CABCOCO1: variants seen among roughly 807,000 people sequenced by gnomAD.
The protein encoded by CABCOCO1 is ciliary associated calcium binding coiled-coil 1, also known as ciliary-associated calcium-binding coiled-coil protein 1.
Under a neutral mutation model 35.7 loss-of-function variants are expected in CABCOCO1, and 28 were observed. The observed-to-expected ratio is 0.78, with a 90% CI of 0.58 to 1.07. CABCOCO1 has a LOEUF of 1.07. Ranked by LOEUF, CABCOCO1 falls within the 50% of genes least tolerant of loss-of-function variation. CABCOCO1 has a pLI of 0.00. For synonymous variants in CABCOCO1, 95 were observed against 100.1 expected, an observed-to-expected ratio of 0.95 and a Z score of 0.30; for missense variants, 326 against 309.2, an observed-to-expected ratio of 1.05 and a Z score of -0.41.
intron 1 of CABCOCO1, among the ~76,000 whole-genome samples, chr10:61,666,989 A>ATATATTATATATAAATATAATTG (rs1390738920): frequency 2.1e-5 from 3 of 141,798 alleles, no homozygotes; most frequent in African/African-American, 7.7e-5. Flanking sequence ...AAATATAATT[A>ATATATTATATATAAATATAATTG]TATATTATAT....
intron 7 of CABCOCO1, among the ~76,000 whole-genome samples, chr10:61,761,639 C>T (rs923317054): frequency 1.3e-5 from 2 of 151,992 alleles, no homozygotes; most frequent in South Asian, 4.1e-4. Flanking sequence ...ATTTTTCAGG[C>T]CAAATGATTA....
At chr10:61,687,046 G>A (rs553570187) in intron 4 of CABCOCO1, among the ~76,000 whole-genome samples, 1 of 152,274 alleles carries the variant, frequency 6.6e-6, no homozygotes, top group East Asian at 1.9e-4. Context: ...TGATATCTTA[G>A]ACATGCTCAT....
intron 5 of CABCOCO1, among the ~76,000 whole-genome samples, chr10:61,725,970 G>A (rs1212207550): frequency 1.3e-5 from 2 of 152,108 alleles, no homozygotes; most frequent in African/African-American, 4.8e-5. Flanking sequence ...AAGATAATAT[G>A]ACACTGTTCC....
intron 5 of CABCOCO1, among the ~76,000 whole-genome samples, chr10:61,692,026 G>A (rs1459526418): frequency 1.3e-5 from 2 of 152,048 alleles, no homozygotes; most frequent in African/African-American, 2.4e-5. Context: ...GGATTGCTGG[G>A]TCAAATAGTA....
intron 5 of CABCOCO1, among the ~76,000 whole-genome samples, chr10:61,735,403 A>C (rs1399188567): frequency 6.6e-6 from 1 of 152,096 alleles, no homozygotes. Context: ...ATAACCCTTA[A>C]ATCTTTAGTC....
At chr10:61,758,769 G>A (rs893996486) in intron 5 of CABCOCO1, among the ~76,000 whole-genome samples, 2 of 152,058 alleles carry the variant, frequency 1.3e-5, no homozygotes, top group South Asian at 4.2e-4. Context: ...GTTAGGACAC[G>A]TTGGGGCTTC....
At chr10:61,688,858 G>A (rs1398124744) in intron 4 of CABCOCO1, among the ~76,000 whole-genome samples, 1 of 152,166 alleles carries the variant, frequency 6.6e-6, no homozygotes, top group East Asian at 1.9e-4. Context: ...CATTATCGCA[G>A]CTGAAGTGTC....
chr10:61,692,122 C>T (rs978107505), intron 5 of CABCOCO1, among the ~76,000 whole-genome samples: 8 of 152,058 alleles, frequency 5.3e-5, no homozygotes, highest in Non-Finnish European at 7.4e-5. Context: ...ACTGTAAAAG[C>T]GTTCCTGTTT....
chr10:61,730,040 A>T (rs1231055363), intron 5 of CABCOCO1, among the ~76,000 whole-genome samples: 2 of 152,120 alleles, frequency 1.3e-5, no homozygotes, highest in African/African-American at 2.4e-5. Flanking sequence ...TGTATTGTAG[A>T]CTTAAAAATT....
At chr10:61,717,995 G>C (rs993776334) in intron 5 of CABCOCO1, among the ~76,000 whole-genome samples, 1 of 152,132 alleles carries the variant, frequency 6.6e-6, no homozygotes, top group African/African-American at 2.4e-5. Flanking sequence ...TAATGGGTAA[G>C]GTAGATTATG....
At chr10:61,695,992 AG>A (rs1355498979) in intron 5 of CABCOCO1, among the ~76,000 whole-genome samples, 1 of 152,110 alleles carries the variant, frequency 6.6e-6, no homozygotes, top group East Asian at 1.9e-4. Flanking sequence ...AGAAATAGAA[AG>A]GAATGAAGAG....
At chr10:61,761,605 C>G (rs886210900) in intron 7 of CABCOCO1, among the ~76,000 whole-genome samples, 1 of 152,098 alleles carries the variant, frequency 6.6e-6, no homozygotes, top group Non-Finnish European at 1.5e-5. Context: ...TACCTCAACT[C>G]AAAGACTTAC....
At chr10:61,756,917 A>C (rs1841909035) in intron 5 of CABCOCO1, among the ~76,000 whole-genome samples, 1 of 152,052 alleles carries the variant, frequency 6.6e-6, no homozygotes, top group African/African-American at 2.4e-5. Context: ...AGACAATTAC[A>C]ATTCTACAGG....
At chr10:61,740,546 G>A (rs1303375413) in intron 5 of CABCOCO1, among the ~76,000 whole-genome samples, 1 of 152,144 alleles carries the variant, frequency 6.6e-6, no homozygotes, top group Admixed American at 6.5e-5. Flanking sequence ...AAACCAAAGT[G>A]CAAATGAAAT....
At chr10:61,712,464 C>T (rs1013737923) in intron 5 of CABCOCO1, among the ~76,000 whole-genome samples, 1 of 152,186 alleles carries the variant, frequency 6.6e-6, no homozygotes, top group African/African-American at 2.4e-5. Flanking sequence ...TGCCTGTTCA[C>T]TCTGACAGTA....
At chr10:61,760,804 A>C in intron 6 of CABCOCO1, 59 bp from the exon 7 acceptor site, 1 of 1,532,656 alleles carries the variant, frequency 6.5e-7, no homozygotes, top group Non-Finnish European at 8.8e-7. Flanking sequence ...TTTAGGTTCC[A>C]TATAAATCAC....
At chr10:61,687,561 C>G (rs1840004487) in intron 4 of CABCOCO1, among the ~76,000 whole-genome samples, 1 of 152,142 alleles carries the variant, frequency 6.6e-6, no homozygotes, top group Non-Finnish European at 1.5e-5. Context: ...CATGCAGGTG[C>G]CATAATGACC....
Position 61,721,351 on chromosome 10 carries a change from G to A in CABCOCO1, c.552+30730G>A, listed in dbSNP as rs143372814. Among the ~76,000 whole-genome samples, 1,221 of 152,234 alleles carry A rather than the reference G, an allele frequency of 8.0e-3. 13 individuals carry two copies. Among genetic ancestry groups the A allele is most frequent in the Middle Eastern group, 0.027 (8 of 294 alleles). ...AGATGGGAAGAAGCTTCTGAAGCCCGTTTGTGCTTCTCCATCACGTAATCC... is the reference window on the plus strand; with the variant it reads ...AGATGGGAAGAAGCTTCTGAAGCCCATTTGTGCTTCTCCATCACGTAATCC... On this transcript the variant is annotated intron_variant, in intron 5 of 7. Transcript: ENST00000648843.
intron 5 of CABCOCO1, among the ~76,000 whole-genome samples, chr10:61,739,382 T>C (rs1340048623): frequency 6.6e-6 from 1 of 152,216 alleles, no homozygotes; most frequent in African/African-American, 2.4e-5. Context: ...GAAGTAGCTT[T>C]AATTCTTCAG....
Sources: allele counts gnomAD v4.1 joint callset (sites outside exome capture counted in the v4.1 genomes callset), GRCh38; gene constraint gnomAD v4.1.1; transcripts MANE v1.5; gene names NCBI Gene and HGNC (gene_info 2026-07-23, HGNC 2026-07-21).